GALNT6: variants seen among roughly 807,000 people sequenced by gnomAD.
GALNT6 encodes polypeptide N-acetylgalactosaminyltransferase 6.
A neutral mutation model predicts 65.9 loss-of-function variants in GALNT6; 51 were observed. The ratio of observed to expected loss-of-function variants is 0.77; its 90% CI spans 0.62 to 0.98. The LOEUF is 0.98. Ranked by LOEUF, GALNT6 falls within the 50% of genes least tolerant of loss-of-function variation. The pLI, the probability that GALNT6 is intolerant of heterozygous loss-of-function variation, is 0.00. For synonymous variants in GALNT6, 323 were observed against 315.1 expected, an observed-to-expected ratio of 1.02 and a Z score of -0.26; for missense variants, 708 against 803.3, an observed-to-expected ratio of 0.88 and a Z score of 1.43.
At position 51,360,821 on chromosome 12, in the gene GALNT6, C is replaced by T; in HGVS notation, c.1067G>A (p.Gly356Asp). 6.2e-7 allele frequency: 1 copy of T among 1,611,742 alleles called. No individual in the cohort carries two copies. Among genetic ancestry groups the T allele is most frequent in the Non-Finnish European group, 8.5e-7 (1 of 1,177,872 alleles). The change falls in exon 7 of 12, where the codon GGT becomes GAT. Residue 356 changes from glycine (G) to aspartate (D), a missense_variant. By Grantham distance (94) the Gly-to-Asp change is moderately conservative (BLOSUM62 -1). Coordinates refer to ENST00000356317, the MANE Select transcript of GALNT6 (RefSeq NM_007210.4). ...GGACTTGGAGATGGAGAAGAGGCCA[C>T]CAGCAAACGTCGGGGATCTGGAGAG... ...TYPIKSPTFAGGLFSISKSYF... is the reference protein window; with the variant it reads ...TYPIKSPTFADGLFSISKSYF...
chr12:51,366,235 C>T (rs1408671495), intron 4 of GALNT6, among the ~76,000 whole-genome samples: 2 of 152,190 alleles, frequency 1.3e-5, no homozygotes, highest in African/African-American at 4.8e-5. Context: ...AAAATTCTGA[C>T]AGAGGCTCTC....
At chr12:51,388,871 TG>T (rs1329408781) in intron 2 of GALNT6, among the ~76,000 whole-genome samples, 2 of 152,230 alleles carry the variant, frequency 1.3e-5, no homozygotes, top group African/African-American at 4.8e-5. Context: ...AGTTGAGGAC[TG>T]GGTTGCTTTC....
At chr12:51,362,635 T>C (rs1177303982) in intron 6 of GALNT6, among the ~76,000 whole-genome samples, 3 of 51,730 alleles carry the variant, frequency 5.8e-5, no homozygotes, top group South Asian at 6.5e-4. Context: ...GTCACTGGCA[T>C]GGGGGTGGGG....
chr12:51,379,828 A>G lies in GALNT6; in HGVS notation c.-47T>C, dbSNP rs988308897. 8 of 1,547,064 alleles carry G rather than the reference A, an allele frequency of 5.2e-6. No homozygotes were observed. The highest frequency in any genetic ancestry group is 6.1e-6 in the Non-Finnish European group (7 of 1,151,564). On this transcript the variant is annotated 5_prime_UTR_variant, in exon 3 of 12. Transcript: ENST00000356317. The stretch of plus-strand genomic sequence containing the variant: ...CCAGCTGCGTCAGCTCTGAGTCCTG[A>G]GCCCAACCCTGGAGATAGCTTGATA...
Position 51,354,114 on chromosome 12 carries a change from G to A in GALNT6, c.*265C>T. The A allele has an allele frequency of 2.7e-6, 1 of 370,616 alleles. No individual in the cohort carries two copies. Among genetic ancestry groups the A allele is most frequent in the Non-Finnish European group, 4.8e-6 (1 of 209,818 alleles). The allele number at this position is 370,616 out of a possible 1,614,324, so 23.0% of individuals were successfully genotyped here. ...TGCTGCCCTGAACCCTCCCCCAGCT[G>A]CCTTCCCTACTTTGGGAGCCTCTAT... On this transcript the variant is annotated 3_prime_UTR_variant, in exon 12 of 12. Transcript: ENST00000356317.
chr12:51,383,962 AG>A (rs1375320992), intron 2 of GALNT6, among the ~76,000 whole-genome samples: 1 of 152,140 alleles, frequency 6.6e-6, no homozygotes, highest in Non-Finnish European at 1.5e-5. Context: ...TATTGTTTCA[AG>A]TACAAAGCTT....
chr12:51,377,675 C>G (rs1389225124), intron 3 of GALNT6, among the ~76,000 whole-genome samples: 1 of 152,138 alleles, frequency 6.6e-6, no homozygotes, highest in African/African-American at 2.4e-5. Context: ...TGCTCTCAGG[C>G]TAGGAGTTCC....
chr12:51,354,395 A>T lies in GALNT6; in HGVS notation c.1853T>A (p.Leu618Ter), dbSNP rs912434526. 1.3e-6 allele frequency: 2 copies of T among 1,567,296 alleles called. No individual in the cohort carries two copies. The highest frequency in any genetic ancestry group is 2.8e-5 in the African/African-American group (2 of 71,384). The change falls in exon 12 of 12, where the codon TTG becomes TAG. Residue 618 changes from leucine (L) to a stop codon, truncating the protein, a stop_gained. Coordinates refer to ENST00000356317, the MANE Select transcript of GALNT6 (RefSeq NM_007210.4). LOFTEE classifies it high-confidence loss of function. ...APCNPSDPHQ[L>*]WLFV ...ATCTGGGTCCTAGACAAAGAGCCAC[A>T]ACTGATGGGGGTCACTGGGATTGCA...
At chr12:51,362,277 A>G (rs1946948084) in intron 6 of GALNT6, among the ~76,000 whole-genome samples, 1 of 152,166 alleles carries the variant, frequency 6.6e-6, no homozygotes, top group Non-Finnish European at 1.5e-5. Flanking sequence ...CTGCATGGGA[A>G]GCTTCACTGT....
chr12:51,380,687 A>G (rs933732769), intron 2 of GALNT6, among the ~76,000 whole-genome samples: 7 of 152,216 alleles, frequency 4.6e-5, no homozygotes, highest in African/African-American at 1.7e-4. Context: ...GCTACTTGGG[A>G]GGCTGAGGCA....
rs752764313 is a variant in GALNT6 at position 51,379,536 on chromosome 12, CAG to C, written c.244_245del (p.Leu82ValfsTer16). ...GGAGGCAGGACTGGTTTATGGAGAA[CAG>C]AGTCTGCTGGGCTTCTGGAGCCCTG... ...QIRAPEAQQTLFSINQSCLPG... is the reference protein window; with the variant it reads ...QIRAPEAQQTXFSINQSCLPG... On this transcript the variant is annotated frameshift_variant, in exon 3 of 12. Transcript: ENST00000356317. LOFTEE classifies it high-confidence loss of function. 6 of 1,614,176 alleles carry C rather than the reference CAG, an allele frequency of 3.7e-6. No individual in the cohort carries two copies. Among genetic ancestry groups the C allele is most frequent in the Non-Finnish European group, 4.2e-6 (5 of 1,180,040 alleles).
intron 4 of GALNT6, among the ~76,000 whole-genome samples, chr12:51,370,314 G>A (rs1369832198): frequency 6.6e-6 from 1 of 152,028 alleles, no homozygotes; most frequent in Non-Finnish European, 1.5e-5. Flanking sequence ...GGAGGCCAAG[G>A]TGGGTGGATC....
intron 3 of GALNT6, 53 bp from the exon 4 acceptor site, chr12:51,377,420 T>TA: frequency 6.6e-7 from 1 of 1,522,948 alleles, no homozygotes; most frequent in Non-Finnish European, 9.0e-7. Context: ...GAGTACCAGG[T>TA]GTGGGGAGGG....
At chr12:51,362,082 G>A (rs1053776265) in intron 6 of GALNT6, among the ~76,000 whole-genome samples, 3 of 152,156 alleles carry the variant, frequency 2.0e-5, no homozygotes, top group African/African-American at 7.2e-5. Context: ...CTTTGGAAGA[G>A]GCTCTGGCCT....
At chr12:51,390,667 T>A (rs979744000) in intron 2 of GALNT6, among the ~76,000 whole-genome samples, 183 bp downstream of exon 2, 2 of 152,156 alleles carry the variant, frequency 1.3e-5, no homozygotes, top group African/African-American at 4.8e-5. Flanking sequence ...TGTCCAGAAC[T>A]ATGAACCTCA....
chr12:51,384,830 A>T (rs917113944), intron 2 of GALNT6, among the ~76,000 whole-genome samples: 3 of 152,228 alleles, frequency 2.0e-5, no homozygotes, highest in Non-Finnish European at 4.4e-5. Flanking sequence ...GGCTGTAGTT[A>T]GTTATGATCA....
At chr12:51,380,239 A>G (rs746368492) in intron 2 of GALNT6, among the ~76,000 whole-genome samples, 8 of 152,218 alleles carry the variant, frequency 5.3e-5, no homozygotes, top group African/African-American at 1.2e-4. Context: ...TCCACTCCTC[A>G]TTTTATATCC....
At chr12:51,384,175 G>A (rs1592358220) in intron 2 of GALNT6, among the ~76,000 whole-genome samples, 3 of 152,242 alleles carry the variant, frequency 2.0e-5, no homozygotes, top group South Asian at 2.1e-4. Context: ...CTTTGATCCC[G>A]AGATGATGCC....
At position 51,354,435 on chromosome 12, in the gene GALNT6, G is replaced by T; in HGVS notation, c.1813C>A (p.Pro605Thr). ...GTCLTSQDKK[P>T]AMAPCNPSDP... ...CTGGGATTGCAGGGGGCCATGGCTG[G>T]CTTTTTGTCCTGGGATGTCAGGCAG... Residue 605 changes from proline (P) to threonine (T), a missense_variant, in exon 12 of 12, where the codon CCA (proline) becomes ACA (threonine). Coordinates refer to ENST00000356317, the MANE Select transcript of GALNT6 (RefSeq NM_007210.4). 6.3e-7 allele frequency: 1 copy of T among 1,592,220 alleles called. No homozygotes were observed. Among genetic ancestry groups the T allele is most frequent in the Non-Finnish European group, 8.5e-7 (1 of 1,171,716 alleles).
Sources: gnomAD v4.1 joint callset for allele counts (sites outside exome capture counted in the v4.1 genomes callset) on GRCh38, gnomAD v4.1.1 for gene constraint, MANE v1.5 for transcripts, NCBI Gene and HGNC (gene_info 2026-07-23, HGNC 2026-07-21) for gene names.